Variants in BBS9 observed in about 807,000 individuals in gnomAD.
The protein encoded by BBS9 is Bardet-Biedl syndrome 9.
Under a neutral mutation model 117.7 loss-of-function variants are expected in BBS9, and 89 were observed. That is an observed-to-expected ratio of 0.76 (90% CI 0.64 to 0.90). The LOEUF (loss-of-function observed/expected upper bound fraction) is 0.90. Among genes scored for constraint, BBS9 ranks in the 40% least tolerant of loss-of-function variants. The pLI, the probability that BBS9 is intolerant of heterozygous loss-of-function variation, is 0.00. For missense variants in BBS9, 982 were observed against 1,042.2 expected (o/e 0.94, Z 0.80); for synonymous variants, 379 against 370.9 (o/e 1.02, Z -0.25).
intron 5 of BBS9, among the ~76,000 whole-genome samples, chr7:33,222,786 T>G (rs1265314873): frequency 6.6e-6 from 1 of 151,430 alleles, no homozygotes; most frequent in Admixed American, 6.6e-5. Context: ...CCGTGTCTAC[T>G]AAAAATAAAA....
rs527728754 is a variant in BBS9 at position 33,406,885 on chromosome 7, A to G, written c.2115+18741A>G. 2.1e-3 allele frequency among the ~76,000 whole-genome samples: 324 copies of G among 152,038 alleles called. 2 individuals are homozygous for G. The highest frequency in any genetic ancestry group is 2.6e-3 in the Non-Finnish European group (180 of 67,976). ...CCTTAACATTTTTTCCTTCGTTTCA[A>G]CTTTGGTGAATCTGACAATTATGTG... On this transcript the variant is annotated intron_variant, in intron 19 of 22. Coordinates refer to ENST00000242067, the MANE Select transcript of BBS9 (RefSeq NM_198428.3).
intron 21 of BBS9, among the ~76,000 whole-genome samples, chr7:33,572,886 G>A: frequency 6.6e-6 from 1 of 151,852 alleles, no homozygotes; most frequent in South Asian, 2.1e-4. Context: ...TAGGATTGAT[G>A]GATTCATTTT....
At chr7:33,317,331 T>C (rs1015361600) in intron 9 of BBS9, among the ~76,000 whole-genome samples, 10 of 152,174 alleles carry the variant, frequency 6.6e-5, no homozygotes, top group Admixed American at 6.5e-4. Flanking sequence ...TGTTTTGCTA[T>C]TTTGGGTTTT....
At chr7:33,434,498 A>T (rs777618347) in intron 19 of BBS9, among the ~76,000 whole-genome samples, 1 of 152,108 alleles carries the variant, frequency 6.6e-6, no homozygotes, top group Non-Finnish European at 1.5e-5. Context: ...ATTTTTGATG[A>T]TTTATATTGC....
At chr7:33,477,753 C>T (rs1249067638) in intron 19 of BBS9, among the ~76,000 whole-genome samples, 4 of 152,092 alleles carry the variant, frequency 2.6e-5, no homozygotes, top group African/African-American at 9.7e-5. Context: ...TATTATTGAC[C>T]ATAGGCATTT....
intron 9 of BBS9, among the ~76,000 whole-genome samples, chr7:33,299,931 G>A (rs766339608): frequency 3.2e-4 from 49 of 152,248 alleles, no homozygotes; most frequent in Middle Eastern, 6.8e-3. Flanking sequence ...CTATAAATTG[G>A]CAAGCAGTCT....
intron 9 of BBS9, among the ~76,000 whole-genome samples, chr7:33,276,135 A>T (rs1290650202): frequency 1.3e-5 from 2 of 152,234 alleles, no homozygotes; most frequent in East Asian, 3.8e-4. Flanking sequence ...AAAGTATAGG[A>T]TTAGACTGTG....
chr7:33,349,531 C>T (rs1413784134), intron 13 of BBS9, among the ~76,000 whole-genome samples: 1 of 152,138 alleles, frequency 6.6e-6, no homozygotes, highest in African/African-American at 2.4e-5. Context: ...ACTTCCTGGG[C>T]TCAAGTGATC....
intron 19 of BBS9, among the ~76,000 whole-genome samples, chr7:33,460,197 A>G (rs1276094798): frequency 6.6e-6 from 1 of 152,122 alleles, no homozygotes; most frequent in Non-Finnish European, 1.5e-5. Context: ...GAACCTGGCT[A>G]AAAGAGTTCT....
chr7:33,318,602 G>C (rs1811030597), intron 9 of BBS9, among the ~76,000 whole-genome samples: 1 of 151,984 alleles, frequency 6.6e-6, no homozygotes, highest in Non-Finnish European at 1.5e-5. Context: ...AATTTCCATA[G>C]GTTTTTGGGG....
At chr7:33,251,117 C>T (rs1796152583) in intron 5 of BBS9, among the ~76,000 whole-genome samples, 1 of 152,142 alleles carries the variant, frequency 6.6e-6, no homozygotes, top group Non-Finnish European at 1.5e-5. Flanking sequence ...TCAGTATCTA[C>T]AGGAATGAAT....
At position 33,630,508 on chromosome 7, in the gene BBS9, C is replaced by T. The variant is rs147451149; in HGVS notation, c.2522-4669C>T. On this transcript the variant is annotated intron_variant, in intron 21 of 21. Transcript: ENST00000671952. ...ACCACAATGCCCCTACCCCTGCGTCCGTTAAGGATCAAACTCTCTCCTCGT... is the reference window on the plus strand; with the variant it reads ...ACCACAATGCCCCTACCCCTGCGTCTGTTAAGGATCAAACTCTCTCCTCGT... 1.9e-3 allele frequency among the ~76,000 whole-genome samples: 289 copies of T among 152,230 alleles called. 3 individuals carry two copies. The highest frequency in any genetic ancestry group is 0.014 in the Admixed American group (217 of 15,296).
intron 21 of BBS9, among the ~76,000 whole-genome samples, chr7:33,572,411 A>G (rs1236633785): frequency 6.6e-6 from 1 of 152,150 alleles, no homozygotes; most frequent in Non-Finnish European, 1.5e-5. Context: ...ATGGGAATGC[A>G]GATCTCTCTT....
chr7:33,521,416 C>T (rs1255368751), intron 20 of BBS9, among the ~76,000 whole-genome samples: 2 of 152,204 alleles, frequency 1.3e-5, no homozygotes, highest in Non-Finnish European at 2.9e-5. Flanking sequence ...GATAAACTTG[C>T]ACACTGCTCT....
intron 10 of BBS9, among the ~76,000 whole-genome samples, 166 bp downstream of exon 10, chr7:33,336,788 A>C (rs759913432): frequency 6.6e-6 from 1 of 152,192 alleles, no homozygotes; most frequent in East Asian, 1.9e-4. Flanking sequence ...CTTTATGTCT[A>C]CTTTGTATGT....
chr7:33,558,684 C>T (rs1445215229), intron 21 of BBS9, among the ~76,000 whole-genome samples: 1 of 152,066 alleles, frequency 6.6e-6, no homozygotes, highest in Non-Finnish European at 1.5e-5. Flanking sequence ...AATGGCCAAC[C>T]TGCATTCATA....
intron 9 of BBS9, among the ~76,000 whole-genome samples, chr7:33,283,361 A>C (rs879335604): frequency 6.6e-6 from 1 of 151,990 alleles, no homozygotes; most frequent in Non-Finnish European, 1.5e-5. Flanking sequence ...CTTATTTCTC[A>C]GTCCTTAAGA....
At chr7:33,319,739 C>T (rs908889404) in intron 9 of BBS9, among the ~76,000 whole-genome samples, 6 of 151,972 alleles carry the variant, frequency 3.9e-5, no homozygotes, top group African/African-American at 7.3e-5. Flanking sequence ...GCTTCTGCAC[C>T]GCAAAAGGAA....
At chr7:33,308,149 G>A (rs1156297856) in intron 9 of BBS9, among the ~76,000 whole-genome samples, 3 of 152,144 alleles carry the variant, frequency 2.0e-5, no homozygotes, top group Non-Finnish European at 4.4e-5. Context: ...ATTCTCAGAG[G>A]CTCAGGCAGC....
Sources: allele counts gnomAD v4.1 joint callset (sites outside exome capture counted in the v4.1 genomes callset), GRCh38; gene constraint gnomAD v4.1.1; transcripts MANE v1.5; gene names NCBI Gene and HGNC (gene_info 2026-07-23, HGNC 2026-07-21).